The following UGT1A5 variants were observed in gnomAD, a reference collection of about 807,000 sequenced individuals.
UGT1A5 encodes the protein UDP glucuronosyltransferase family 1 member A5.
UGT1A5 carries 29 observed loss-of-function variants against 40.3 expected under a neutral mutation model. The ratio of observed to expected loss-of-function variants is 0.72; its 90% CI spans 0.54 to 0.98. The LOEUF (loss-of-function observed/expected upper bound fraction) is 0.98, where lower values mean the gene tolerates loss of function less well. UGT1A5 is among the 50% of genes least tolerant of loss of function. The probability of loss-of-function intolerance (pLI) is 0.00; values close to 1 mark genes in which losing one functional copy is unlikely to be tolerated. For synonymous variants in UGT1A5, 257 were observed against 262.5 expected (o/e 0.98, Z 0.20); for missense variants, 678 against 677.9 (o/e 1.00, Z 0.00).
chr2:233,727,644 C>G lies in UGT1A5; in HGVS notation c.867+13786C>G, dbSNP rs139554548. On this transcript the variant is annotated intron_variant, in intron 1 of 4. Coordinates refer to ENST00000373414, the MANE Select transcript of UGT1A5 (RefSeq NM_019078.2). ...AGAGGTTGCACCCACAGCTGAGAAT[C>G]CCTTTCTAGTGCTCTATGTCCTTAC... Among the ~76,000 whole-genome samples the G allele has an allele frequency of 3.3e-5, 5 of 152,272 alleles. No individual in the cohort carries two copies. In the East Asian group the frequency reaches 9.7e-4, roughly 29 times the overall value.
chr2:233,733,864 A>G (rs1575602891), intron 1 of UGT1A5, among the ~76,000 whole-genome samples: 1 of 151,900 alleles, frequency 6.6e-6, no homozygotes, highest in African/African-American at 2.4e-5. Context: ...TGATTGGAAT[A>G]GTTTCAGAAG....
chr2:233,729,284 C>T, intron 1 of UGT1A5: 1 of 1,614,206 alleles, frequency 6.2e-7, no homozygotes, highest in Non-Finnish European at 8.5e-7. Flanking sequence ...GAGCTCCATG[C>T]CAGAGGCCAC....
chr2:233,721,854 C>A, intron 1 of UGT1A5: 1 of 513,502 alleles, frequency 1.9e-6, no homozygotes. Flanking sequence ...AGCCCCACTG[C>A]TCGGCCCTGG....
intron 1 of UGT1A5, among the ~76,000 whole-genome samples, chr2:233,739,678 T>A (rs1691173919): frequency 6.6e-6 from 1 of 152,240 alleles, no homozygotes; most frequent in Non-Finnish European, 1.5e-5. Context: ...TGGAAGTTAC[T>A]AACTTGTTTT....
intron 1 of UGT1A5, among the ~76,000 whole-genome samples, chr2:233,723,472 A>G (rs1156962983): frequency 1.5e-5 from 2 of 137,344 alleles, no homozygotes; most frequent in African/African-American, 5.7e-5. Context: ...AGCCTCCCAA[A>G]GTGCTAGGAT....
chr2:233,763,286 C>G (rs1023575822), intron 1 of UGT1A5, among the ~76,000 whole-genome samples: 3 of 152,120 alleles, frequency 2.0e-5, no homozygotes, highest in Non-Finnish European at 2.9e-5. Context: ...ATCTGAAATT[C>G]CACTTTTTGG....
At chr2:233,733,349 A>G (rs2078383878) in intron 1 of UGT1A5, among the ~76,000 whole-genome samples, 1 of 152,106 alleles carries the variant, frequency 6.6e-6, no homozygotes, top group South Asian at 2.1e-4. Flanking sequence ...CAGTATGTTG[A>G]GTAGGAGTGG....
intron 1 of UGT1A5, among the ~76,000 whole-genome samples, chr2:233,741,100 C>A (rs1335319606): frequency 1.3e-5 from 2 of 151,794 alleles, no homozygotes; most frequent in Non-Finnish European, 2.9e-5. Context: ...AGCAAACAGA[C>A]AATCAAGCTT....
chr2:233,720,006 T>C (rs1403033451), intron 1 of UGT1A5, among the ~76,000 whole-genome samples: 1 of 152,190 alleles, frequency 6.6e-6, no homozygotes, highest in Non-Finnish European at 1.5e-5. Context: ...CATTCAGAAC[T>C]GATCCATCCT....
At position 233,744,330 on chromosome 2, in the gene UGT1A5, T is replaced by A. The variant is rs1692777222; in HGVS notation, c.868-22704T>A. Among the ~76,000 whole-genome samples the A allele has an allele frequency of 1.3e-5, 2 of 151,878 alleles. 1 individual carries two copies. The highest frequency in any genetic ancestry group is 4.9e-5 in the African/African-American group (2 of 41,124). On this transcript the variant is annotated intron_variant, in intron 1 of 4. Coordinates refer to ENST00000373414, the MANE Select transcript of UGT1A5 (RefSeq NM_019078.2). Reference sequence around the variant, plus strand: ...GGGAAGAGGGTGGTGGGAGTGAGTTTAGTCTGACTGGGGCTGAAGACATCC... The same window carrying A: ...GGGAAGAGGGTGGTGGGAGTGAGTTAAGTCTGACTGGGGCTGAAGACATCC...
intron 1 of UGT1A5, among the ~76,000 whole-genome samples, chr2:233,724,133 G>A (rs1298685512): frequency 0.042 from 1,427 of 33,736 alleles, 2 homozygotes; most frequent in African/African-American, 0.058. Context: ...CTCACCTCCC[G>A]GACGGGGCGG....
chr2:233,743,524 C>G (rs751668012), intron 1 of UGT1A5: 19 of 1,367,170 alleles, frequency 1.4e-5, no homozygotes, highest in Non-Finnish European at 1.8e-5. Flanking sequence ...GCTTCTGCTT[C>G]CCCAGCAGTT....
At chr2:233,747,624 ATC>A in intron 1 of UGT1A5, 1 of 1,577,546 alleles carries the variant, frequency 6.3e-7, no homozygotes, top group South Asian at 1.1e-5. Flanking sequence ...TGAGGCCCTG[ATC>A]AGGCACCTGA....
intron 1 of UGT1A5, among the ~76,000 whole-genome samples, chr2:233,736,231 C>A (rs570595506): frequency 2.0e-5 from 3 of 152,220 alleles, no homozygotes; most frequent in East Asian, 1.9e-4. Flanking sequence ...TTTTCTCTAA[C>A]CTTGTCTTCT....
In UGT1A5 at chr2:233,760,246, A is replaced by ATG. The variant is rs772016461; in HGVS notation, c.868-6787_868-6786insGT. 1.6e-5 allele frequency: 25 copies of ATG among 1,608,940 alleles called. No homozygotes were observed. The South Asian group carries it at 2.6e-4, about 17-fold the overall frequency. ...ATTGGTTTTTGCCATATATATATAT[A>ATG]TAAGTAGGAGAGGGCGAACCTCTGG... On this transcript the variant is annotated intron_variant, in intron 1 of 4. Coordinates refer to ENST00000373414, the MANE Select transcript of UGT1A5 (RefSeq NM_019078.2).
intron 1 of UGT1A5, among the ~76,000 whole-genome samples, chr2:233,758,370 T>C (rs1198211865): frequency 6.6e-6 from 1 of 152,206 alleles, no homozygotes; most frequent in Non-Finnish European, 1.5e-5. Context: ...ATAAAATCAT[T>C]ACAGTGGTGA....
At chr2:233,745,689 T>C (rs1218366980) in intron 1 of UGT1A5, among the ~76,000 whole-genome samples, 4 of 149,704 alleles carry the variant, frequency 2.7e-5, no homozygotes, top group African/African-American at 1.0e-4. Flanking sequence ...CAAAGCAAGT[T>C]TGGAGAACAA....
chr2:233,741,352 A>G (rs1236663413), intron 1 of UGT1A5, among the ~76,000 whole-genome samples: 1 of 151,742 alleles, frequency 6.6e-6, no homozygotes, highest in African/African-American at 2.4e-5. Context: ...TCCAACACAC[A>G]AAACCACAAT....
At chr2:233,730,116 T>C in intron 1 of UGT1A5, 1 of 1,558,872 alleles carries the variant, frequency 6.4e-7, no homozygotes, top group Non-Finnish European at 8.7e-7. Flanking sequence ...TGCTTCTCCT[T>C]GTCATAATAG....
Sources: gnomAD v4.1 joint callset for allele counts (sites outside exome capture counted in the v4.1 genomes callset) on GRCh38, gnomAD v4.1.1 for gene constraint, MANE v1.5 for transcripts, NCBI Gene and HGNC (gene_info 2026-07-23, HGNC 2026-07-21) for gene names.